The following NLGN1 variants were observed in gnomAD, a reference collection of about 807,000 sequenced individuals.
NLGN1 encodes the protein neuroligin-1.
A neutral mutation model predicts 65.5 loss-of-function variants in NLGN1; 12 were observed. The observed-to-expected ratio is 0.18, with a 90% CI of 0.12 to 0.30. NLGN1 has a LOEUF of 0.30. NLGN1 is among the 10% of genes least tolerant of loss of function. NLGN1 has a pLI of 1.00. For synonymous variants in NLGN1, 350 were observed against 359.5 expected (o/e 0.97, Z 0.30); for missense variants, 750 against 1,007.1 (o/e 0.74, Z 3.46).
At chr3:173,574,104 C>T (rs888677761) in intron 2 of NLGN1, among the ~76,000 whole-genome samples, 2 of 134,470 alleles carry the variant, frequency 1.5e-5, no homozygotes, top group African/African-American at 5.4e-5. Flanking sequence ...AAAGAAAAAA[C>T]ATTGCCATTA....
chr3:174,216,629 T>C (rs974582088), intron 4 of NLGN1, among the ~76,000 whole-genome samples: 2 of 152,124 alleles, frequency 1.3e-5, no homozygotes, highest in African/African-American at 4.8e-5. Context: ...AGAGATACCC[T>C]AGACTCTCAA....
chr3:173,912,041 A>G (rs1027814802), intron 4 of NLGN1, among the ~76,000 whole-genome samples: 12 of 152,224 alleles, frequency 7.9e-5, no homozygotes, highest in Non-Finnish European at 1.6e-4. Context: ...GATCACAAGA[A>G]ATCTGGTTGT....
chr3:173,675,887 T>TCA (rs35370304), intron 3 of NLGN1, among the ~76,000 whole-genome samples: 2,006 of 138,614 alleles, frequency 0.014, 47 homozygotes, highest in African/African-American at 0.044. Context: ...TCTCTCTCTC[T>TCA]CACACACACA....
At position 174,280,049 on chromosome 3, in the gene NLGN1, C is replaced by T. The variant is rs16858802; in HGVS notation, c.1649+399C>T. ...TAATCCCACTTTACAAGAAGGAGAC[C>T]TGAGGCTCTGTGAGTGTCATAGAGA... On this transcript the variant is annotated intron_variant, in intron 6 of 6. Transcript: ENST00000457714. This position sits in a 1 kb window ranked among gnomAD's most constrained non-coding sequence, Gnocchi z 4.9. 0.019 allele frequency among the ~76,000 whole-genome samples: 2,895 copies of T among 152,046 alleles called. 33 individuals are homozygous for T. The highest frequency in any genetic ancestry group is 0.031 in the East Asian group (159 of 5,126).
intron 4 of NLGN1, among the ~76,000 whole-genome samples, chr3:174,219,224 A>G (rs1190181262): frequency 6.6e-6 from 1 of 152,090 alleles, no homozygotes; most frequent in Non-Finnish European, 1.5e-5. Context: ...AGATATTGCT[A>G]AAAGGTTCTC....
At chr3:173,883,119 A>C (rs929669160) in intron 4 of NLGN1, among the ~76,000 whole-genome samples, 1 of 148,738 alleles carries the variant, frequency 6.7e-6, no homozygotes, top group Non-Finnish European at 1.5e-5. Flanking sequence ...CCCTATCTTG[A>C]CTTTTAACAT....
intron 4 of NLGN1, among the ~76,000 whole-genome samples, chr3:174,023,035 T>A (rs1728087650): frequency 6.6e-6 from 1 of 152,084 alleles, no homozygotes; most frequent in Non-Finnish European, 1.5e-5. Flanking sequence ...TTTATTGATA[T>A]AAAAAATTAG....
intron 2 of NLGN1, among the ~76,000 whole-genome samples, chr3:173,490,072 A>G (rs901887942): frequency 5.9e-5 from 9 of 152,162 alleles, no homozygotes; most frequent in African/African-American, 1.9e-4. Flanking sequence ...TTTGCTGTGC[A>G]GAAGCTCTTT....
intron 4 of NLGN1, among the ~76,000 whole-genome samples, chr3:173,876,865 G>T (rs1415849406): frequency 6.6e-6 from 1 of 152,074 alleles, no homozygotes; most frequent in Admixed American, 6.6e-5. Flanking sequence ...ATGCATAAAT[G>T]TCATGGAAGT....
chr3:173,606,557 A>G (rs1321772711), intron 3 of NLGN1, among the ~76,000 whole-genome samples: 2 of 152,076 alleles, frequency 1.3e-5, no homozygotes, highest in African/African-American at 4.8e-5. Flanking sequence ...TGGCTGGACC[A>G]AGTCAGATTT....
At chr3:173,626,432 C>G (rs185155855) in intron 3 of NLGN1, among the ~76,000 whole-genome samples, 3 of 151,908 alleles carry the variant, frequency 2.0e-5, no homozygotes, top group Admixed American at 6.6e-5. Flanking sequence ...TTTATTTTTA[C>G]TTTTAGGCAT....
At chr3:173,571,670 G>T (rs57070661) in intron 2 of NLGN1, among the ~76,000 whole-genome samples, 2 of 152,202 alleles carry the variant, frequency 1.3e-5, no homozygotes, top group African/African-American at 4.8e-5. Flanking sequence ...CTGTGCTTAA[G>T]AGCATGCATT....
At chr3:174,093,844 A>G (rs1744966977) in intron 4 of NLGN1, among the ~76,000 whole-genome samples, 2 of 152,140 alleles carry the variant, frequency 1.3e-5, no homozygotes, top group South Asian at 4.1e-4. Context: ...TCTCACCTCC[A>G]ACATATATGC....
At chr3:173,961,085 G>A (rs1027904416) in intron 4 of NLGN1, among the ~76,000 whole-genome samples, 3 of 151,912 alleles carry the variant, frequency 2.0e-5, no homozygotes, top group Admixed American at 2.0e-4. Flanking sequence ...CTAGACCAAT[G>A]TGATAATCTA....
chr3:173,494,124 T>TGTGC (rs1729627510), intron 2 of NLGN1, among the ~76,000 whole-genome samples: 1 of 44,226 alleles, frequency 2.3e-5, no homozygotes, highest in South Asian at 6.8e-4. Flanking sequence ...TATAGGTGAG[T>TGTGC]GTGTGTGTGT....
rs796169913 is a variant in NLGN1, at chr3:174,209,623, C to CTT, written c.647-65667_647-65666dup. On this transcript the variant is annotated intron_variant, in intron 4 of 6. Transcript: ENST00000457714. ...CCCTGGTGTCTATCAACCTTTCTTT[C>CTT]TTTTTTTTTTTTTTTTTTTTTTTTT... is the stretch of plus-strand genomic sequence containing the variant. Among the ~76,000 whole-genome samples the CTT allele has an allele frequency of 5.0e-3, 411 of 82,108 alleles. 38 individuals are homozygous for CTT. The highest frequency in any genetic ancestry group is 0.019 in the Middle Eastern group (2 of 104). The allele number at this position is 82,108 out of a possible 152,430, so 53.9% of individuals were successfully genotyped here. A position where few individuals can be genotyped will look rare whatever the true frequency, so the allele number is the denominator to read the frequency against.
chr3:173,717,577 A>G (rs535513693), intron 3 of NLGN1, among the ~76,000 whole-genome samples: 2 of 152,206 alleles, frequency 1.3e-5, no homozygotes, highest in Non-Finnish European at 2.9e-5. Context: ...ACCTCAGTAC[A>G]GGCAATGAAT....
chr3:173,910,330 G>A (rs1157260126), intron 4 of NLGN1, among the ~76,000 whole-genome samples: 1 of 152,066 alleles, frequency 6.6e-6, no homozygotes, highest in Non-Finnish European at 1.5e-5. Context: ...TGAATAGCTT[G>A]GGAAGTAAGC....
chr3:173,665,854 G>A (rs946161970), intron 3 of NLGN1, among the ~76,000 whole-genome samples: 4 of 152,098 alleles, frequency 2.6e-5, no homozygotes, highest in Non-Finnish European at 4.4e-5. Context: ...TATGAAGTTT[G>A]TCATAATTAT....
Sources: gnomAD v4.1 joint callset for allele counts (sites outside exome capture counted in the v4.1 genomes callset) on GRCh38, gnomAD v4.1.1 for gene constraint, Gnocchi (gnomAD v3.1) non-coding constraint, MANE v1.5 for transcripts, NCBI Gene and HGNC (gene_info 2026-07-23, HGNC 2026-07-21) for gene names.